Variants in ZCCHC17 observed in about 807,000 individuals in gnomAD.
ZCCHC17 encodes the protein zinc finger CCHC domain-containing protein 17.
In ZCCHC17, 18 loss-of-function variants were observed where a neutral mutation model predicts 30.6. The observed-to-expected ratio is 0.59, with a 90% CI of 0.41 to 0.87. The LOEUF is 0.87. ZCCHC17 is among the 40% of genes least tolerant of loss of function. The probability of loss-of-function intolerance (pLI) is 0.00; values close to 1 mark genes in which losing one functional copy is unlikely to be tolerated. For synonymous variants in ZCCHC17, 88 were observed against 92.4 expected, an observed-to-expected ratio of 0.95 and a Z score of 0.27; for missense variants, 263 against 284.2, an observed-to-expected ratio of 0.93 and a Z score of 0.54.
chr1:31,348,724 T>C, intron 6 of ZCCHC17, 105 bp from the exon 7 acceptor site: 5 of 1,396,546 alleles, frequency 3.6e-6, no homozygotes, highest in Non-Finnish European at 5.0e-6. Flanking sequence ...CTCAACAATA[T>C]TTCCTGAGCC....
At chr1:31,360,263 A>C (rs962205521) in intron 7 of ZCCHC17, among the ~76,000 whole-genome samples, 2 of 140,452 alleles carry the variant, frequency 1.4e-5, no homozygotes, top group Admixed American at 7.2e-5. Context: ...TCCGCCTCCC[A>C]CGCTCAAGCG....
At chr1:31,314,850 A>G (rs1646693319) in intron 2 of ZCCHC17, among the ~76,000 whole-genome samples, 1 of 152,162 alleles carries the variant, frequency 6.6e-6, no homozygotes, top group Non-Finnish European at 1.5e-5. Flanking sequence ...TATTTTTAGT[A>G]GAGATGGGTT....
intron 1 of ZCCHC17, among the ~76,000 whole-genome samples, chr1:31,305,811 C>T (rs1222316879): frequency 3.9e-5 from 6 of 152,074 alleles, no homozygotes; most frequent in Non-Finnish European, 7.4e-5. Flanking sequence ...ATAGAACCCT[C>T]GGTTTCTACA....
chr1:31,334,337 CTGTGTGTGTGTGTGTGTGTGTG>C (rs59851204), intron 3 of ZCCHC17, among the ~76,000 whole-genome samples: 3 of 85,610 alleles, frequency 3.5e-5, no homozygotes, highest in African/African-American at 4.9e-5. Context: ...CTCTCTCTCT[CTGTGTGTGTGTGTGTGTGTGTG>C]TGTGTGTGTG....
intron 1 of ZCCHC17, among the ~76,000 whole-genome samples, chr1:31,303,388 C>T (rs1340888551): frequency 1.3e-5 from 2 of 152,186 alleles, no homozygotes; most frequent in Non-Finnish European, 2.9e-5. Flanking sequence ...TCCAGCACAG[C>T]TTAAAGATAA....
intron 7 of ZCCHC17, among the ~76,000 whole-genome samples, chr1:31,354,991 G>A (rs372507289): frequency 2.6e-5 from 4 of 152,048 alleles, no homozygotes; most frequent in South Asian, 4.1e-4. Context: ...CCTGGCCAAC[G>A]TGGCAAAACC....
chr1:31,338,524 AAAG>A (rs574595549), intron 4 of ZCCHC17, among the ~76,000 whole-genome samples: 8 of 152,208 alleles, frequency 5.3e-5, no homozygotes, highest in Non-Finnish European at 1.2e-4. Flanking sequence ...GCGGGAAGCA[AAAG>A]AAGACCAATG....
chr1:31,325,035 GACTTGGGCAGAC>G (rs2148436076), intron 3 of ZCCHC17, among the ~76,000 whole-genome samples: 2 of 152,302 alleles, frequency 1.3e-5, no homozygotes, highest in South Asian at 4.1e-4. Flanking sequence ...GACTCAGCCA[GACTTGGGCAGAC>G]ACTGGGAGGA....
At chr1:31,346,773 T>C (rs1411058320) in intron 6 of ZCCHC17, 33 bp downstream of exon 6, 1 of 1,613,380 alleles carries the variant, frequency 6.2e-7, no homozygotes, top group Non-Finnish European at 8.5e-7. Flanking sequence ...TCCACGTTTC[T>C]CTCCTTGTGG....
chr1:31,298,833 C>G (rs1236363697), intron 1 of ZCCHC17, among the ~76,000 whole-genome samples: 4 of 152,084 alleles, frequency 2.6e-5, no homozygotes, highest in African/African-American at 9.7e-5. Context: ...TGAATTGAGC[C>G]ATAGGTGTGG....
chr1:31,340,811 G>A (rs1639023264), intron 5 of ZCCHC17, among the ~76,000 whole-genome samples: 1 of 152,162 alleles, frequency 6.6e-6, no homozygotes, highest in South Asian at 2.1e-4. Flanking sequence ...ATGATAGAAT[G>A]TTATTTGAGT....
intron 1 of ZCCHC17, among the ~76,000 whole-genome samples, chr1:31,306,984 C>T (rs892176904): frequency 7.9e-5 from 12 of 151,940 alleles, no homozygotes; most frequent in African/African-American, 1.5e-4. Context: ...ACTACAGGTG[C>T]GCACCACCAT....
Position 31,337,173 on chromosome 1 carries a change from A to T in ZCCHC17, c.125-2A>T. On this transcript the variant is annotated splice_acceptor_variant, in intron 3 of 7. Transcript: ENST00000344147. LOFTEE classifies it high-confidence loss of function. ...TACGTTATTTCTTCTTCTTGTGCCCAGGTCTGGTCCATCGAACTCATATGT... is the reference window on the plus strand; with the variant it reads ...TACGTTATTTCTTCTTCTTGTGCCCTGGTCTGGTCCATCGAACTCATATGT... 1 of 1,613,362 alleles carries T rather than the reference A, an allele frequency of 6.2e-7. No homozygotes were observed. Among genetic ancestry groups the T allele is most frequent in the Admixed American group, 1.7e-5 (1 of 59,932 alleles).
chr1:31,343,143 T>C (rs899434527), intron 5 of ZCCHC17, among the ~76,000 whole-genome samples: 2 of 152,196 alleles, frequency 1.3e-5, no homozygotes, highest in Non-Finnish European at 2.9e-5. Context: ...TGGCATGATC[T>C]CTGCCTCCCA....
intron 7 of ZCCHC17, among the ~76,000 whole-genome samples, chr1:31,350,403 A>G (rs1035639732): frequency 4.6e-5 from 7 of 152,084 alleles, no homozygotes; most frequent in Non-Finnish European, 7.4e-5. Flanking sequence ...AGCCAAGTAT[A>G]TGAATAATAA....
At chr1:31,361,755 C>CGGT (rs1639904044) in intron 7 of ZCCHC17, among the ~76,000 whole-genome samples, 4 of 152,004 alleles carry the variant, frequency 2.6e-5, no homozygotes, top group Non-Finnish European at 4.4e-5. Context: ...TAACTTGTCA[C>CGGT]CATAGGTGTT....
intron 1 of ZCCHC17, among the ~76,000 whole-genome samples, chr1:31,306,753 G>C (rs1388795323): frequency 2.6e-5 from 4 of 152,076 alleles, no homozygotes; most frequent in African/African-American, 9.7e-5. Flanking sequence ...CTGCAGCCTT[G>C]ATCTCCTTGG....
chr1:31,322,799 G>A (rs1395786501), intron 3 of ZCCHC17, among the ~76,000 whole-genome samples: 1 of 151,338 alleles, frequency 6.6e-6, no homozygotes, highest in Non-Finnish European at 1.5e-5. Flanking sequence ...TCAGCTCACC[G>A]CAACCTCTGC....
intron 2 of ZCCHC17, among the ~76,000 whole-genome samples, chr1:31,311,066 ATTTTTG>A (rs1646590177): frequency 6.6e-6 from 1 of 151,958 alleles, no homozygotes; most frequent in Admixed American, 6.6e-5. Flanking sequence ...CTAGCATAAG[ATTTTTG>A]TTTTTGTTTT....
Sources: gnomAD v4.1 joint callset for allele counts (sites outside exome capture counted in the v4.1 genomes callset) on GRCh38, gnomAD v4.1.1 for gene constraint, MANE v1.5 for transcripts, NCBI Gene and HGNC (gene_info 2026-07-23, HGNC 2026-07-21) for gene names.